The following SPAG5 variants were observed in gnomAD, a reference collection of about 807,000 sequenced individuals.
SPAG5 encodes the protein sperm associated antigen 5, also known as sperm-associated antigen 5.
A neutral mutation model predicts 145.4 loss-of-function variants in SPAG5; 99 were observed. That is an observed-to-expected ratio of 0.68 (90% CI 0.58 to 0.80). The LOEUF (loss-of-function observed/expected upper bound fraction) is 0.80, where lower values mean the gene tolerates loss of function less well. Among genes scored for constraint, SPAG5 ranks in the 30% least tolerant of loss-of-function variants. SPAG5 has a pLI of 0.00. For missense variants in SPAG5, 1,192 were observed against 1,416.0 expected, an observed-to-expected ratio of 0.84 and a Z score of 2.54; for synonymous variants, 477 against 525.4, an observed-to-expected ratio of 0.91 and a Z score of 1.26.
chr17:28,594,226 A>G (rs1254964442), intron 2 of SPAG5, among the ~76,000 whole-genome samples: 1 of 152,232 alleles, frequency 6.6e-6, no homozygotes, highest in Non-Finnish European at 1.5e-5. Context: ...ACACATAATT[A>G]TAAAATTTCT....
Position 28,584,371 on chromosome 17 carries a change from G to A in SPAG5, c.2271C>T (p.Leu757=), listed in dbSNP as rs567448830. The part of the protein sequence containing the change: ...AQDLAMKDEL[L]CQLTQSNEEQ... The stretch of plus-strand genomic sequence containing the variant: ...CCTCATTGCTCTGGGTAAGCTGGCA[G>A]AGTAACTCATCCTTCATAGCCAGGT... Residue 757 remains leucine (L), a synonymous_variant, in exon 12 of 24, where the codon CTC becomes CTT. Coordinates refer to ENST00000321765, the MANE Select transcript of SPAG5 (RefSeq NM_006461.4). The A allele has an allele frequency of 1.9e-6, 3 of 1,614,226 alleles. No homozygotes were observed. Among genetic ancestry groups the A allele is most frequent in the Non-Finnish European group, 2.5e-6 (3 of 1,180,054 alleles).
At chr17:28,579,986 C>T (rs779476767) in intron 16 of SPAG5, 23 bp downstream of exon 16, 1 of 1,592,534 alleles carries the variant, frequency 6.3e-7, no homozygotes, top group African/African-American at 1.3e-5. Flanking sequence ...ACTTTCCCAC[C>T]CCCAAATCCC....
intron 2 of SPAG5, among the ~76,000 whole-genome samples, chr17:28,595,261 A>AC (rs1044878923): frequency 6.6e-6 from 1 of 151,302 alleles, no homozygotes; most frequent in African/African-American, 2.4e-5. Context: ...CCTTCTCAAA[A>AC]AAAAAAAAAA....
At position 28,577,748 on chromosome 17, in the gene SPAG5, A is replaced by G; in HGVS notation, c.3533T>C (p.Val1178Ala). The G allele has an allele frequency of 1.2e-6, 2 of 1,613,830 alleles. No homozygotes were observed. The highest frequency in any genetic ancestry group is 2.2e-5 in the South Asian group (2 of 91,072). ...CTGTAGTTCTTTGCATCCCCTCACC[A>G]CCTCTGGAATAGAGAGCAGGGTCTG... ...IYKTLLSIPEVVRGCKELQGL... is the reference protein window; with the variant it reads ...IYKTLLSIPEAVRGCKELQGL... Residue 1178 changes from valine (V) to alanine (A), a missense_variant, in exon 24 of 24, where the codon GTG becomes GCG. Physicochemically the swap from Val to Ala is moderately conservative, Grantham distance 64. Coordinates refer to ENST00000321765, the MANE Select transcript of SPAG5 (RefSeq NM_006461.4).
chr17:28,578,028 A>G lies in SPAG5; in HGVS notation c.3492T>C (p.Ile1164=). 1.9e-6 allele frequency: 3 copies of G among 1,613,892 alleles called. No individual in the cohort carries two copies. The highest frequency in any genetic ancestry group is 2.5e-6 in the Non-Finnish European group (3 of 1,179,756). The change falls in exon 23 of 24, where the codon ATT becomes ATC. Residue 1164 remains isoleucine, a synonymous_variant. Coordinates refer to ENST00000321765, the MANE Select transcript of SPAG5 (RefSeq NM_006461.4). The stretch of plus-strand genomic sequence containing the variant: ...CCTATACCTTATAAATATGCTGAAC[A>G]ATGTCATCTAGTTTTTCTAACTCCT... ...SDKELEKLDD[I]VQHIYKTLLS...
rs891687445 is a variant in SPAG5 at position 28,598,555 on chromosome 17, G to A, written c.132C>T (p.Pro44=). ...GTGATGGGGTCAGCGAGGAGCAAGC[G>A]GGGGATCTTTTTCCAGAGTTGGTGA... ...GALTNSGKRS[P]ACSSLTPSLC... is the part of the protein sequence containing the mutation. The change falls in exon 2 of 24, where the codon CCC becomes CCT. Residue 44 remains proline (P), a synonymous_variant. Coordinates refer to ENST00000321765, the MANE Select transcript of SPAG5 (RefSeq NM_006461.4). 10 of 1,613,722 alleles carry A rather than the reference G, an allele frequency of 6.2e-6. 1 individual carries two copies. In the South Asian group the frequency reaches 9.9e-5, roughly 16 times the overall value.
At chr17:28,596,635 T>C (rs1172993271) in intron 2 of SPAG5, among the ~76,000 whole-genome samples, 3 of 152,126 alleles carry the variant, frequency 2.0e-5, no homozygotes, top group Non-Finnish European at 4.4e-5. Flanking sequence ...GCCATTGCAC[T>C]CCAGCCTAGG....
chr17:28,584,039 G>C, intron 13 of SPAG5, 53 bp from the exon 14 acceptor site: 1 of 1,610,550 alleles, frequency 6.2e-7, no homozygotes, highest in Non-Finnish European at 8.5e-7. Context: ...TAGTGCCCTG[G>C]GTACAGAGGC....
chr17:28,587,236 A>T (rs1038316518), intron 4 of SPAG5, among the ~76,000 whole-genome samples: 2 of 149,320 alleles, frequency 1.3e-5, no homozygotes, highest in Non-Finnish European at 3.0e-5. Flanking sequence ...CAACACAGTG[A>T]AACCCCATCT....
chr17:28,594,218 A>C (rs546983815), intron 2 of SPAG5, among the ~76,000 whole-genome samples: 1 of 152,350 alleles, frequency 6.6e-6, no homozygotes, highest in African/African-American at 2.4e-5. Context: ...CATGCTAGAC[A>C]CATAATTATA....
At chr17:28,584,298 A>G (rs1375847155) in intron 12 of SPAG5, 35 bp downstream of exon 12, 1 of 1,613,872 alleles carries the variant, frequency 6.2e-7, no homozygotes, top group Non-Finnish European at 8.5e-7. Flanking sequence ...TAAATCCTGG[A>G]TGCCTACTGC....
rs200790381 is a variant in SPAG5, at chr17:28,592,927, G to C, written c.317C>G (p.Pro106Arg). 93 of 1,614,036 alleles carry C rather than the reference G, an allele frequency of 5.8e-5. No individual in the cohort carries two copies. Among genetic ancestry groups the C allele is most frequent in the Non-Finnish European group, 7.4e-5 (87 of 1,180,038 alleles). Residue 106 changes from proline to arginine, a missense_variant, in exon 3 of 24, where the codon CCC (proline) becomes CGC (arginine). Around this residue, in one of 5 missense-constraint regions of SPAG5, gnomAD observed 329 missense variants for 354.0 expected, o/e 0.93. Transcript: ENST00000321765. ...ESDEQPLDPI[P>R]QISSTPKTSE... Reference sequence around the variant, plus strand: ...CGTTTTAGGAGTAGAGCTAATTTGGGGAATTGGATCTAGAGGCTGCTCATC... The same window carrying C: ...CGTTTTAGGAGTAGAGCTAATTTGGCGAATTGGATCTAGAGGCTGCTCATC...
chr17:28,581,410 T>A (rs1241936904), intron 15 of SPAG5, among the ~76,000 whole-genome samples: 2 of 151,526 alleles, frequency 1.3e-5, no homozygotes, highest in East Asian at 3.9e-4. Flanking sequence ...GCCATCCTCG[T>A]CCTGCTACCT....
At position 28,584,324 on chromosome 17, in the gene SPAG5, G is replaced by A. The variant is rs753567262; in HGVS notation, c.2309+9C>T. 1 of 1,613,944 alleles carries A rather than the reference G, an allele frequency of 6.2e-7. No homozygotes were observed. Among genetic ancestry groups the A allele is most frequent in the Non-Finnish European group, 8.5e-7 (1 of 1,180,028 alleles). ...TGCCTACTGCCACAGTACCCCGTTA[G>A]GAACTCACTGAGCAGCCTGCTCCTC... On this transcript the variant is annotated intron_variant, in intron 12 of 23. Transcript: ENST00000321765.
Position 28,578,396 on chromosome 17 carries a change from C to G in SPAG5, c.3331G>C (p.Glu1111Gln), listed in dbSNP as rs1244248377. 1.9e-6 allele frequency: 3 copies of G among 1,614,070 alleles called. No homozygotes were observed. In the African/African-American group the frequency reaches 4.0e-5, roughly 22 times the overall value. ...ACCTCCTGAGAGAGCCACACTTTCT[C>G]CTGGATCCAATTGGTGGCCATAGGC... ...CQPMATNWIQ[E>Q]KVWLSQEVDK... Residue 1111 changes from glutamate (E) to glutamine (Q), a missense_variant, in exon 21 of 24, where the codon GAG becomes CAG. Physicochemically the swap from Glu to Gln is conservative, Grantham distance 29. Around this residue, in one of 5 missense-constraint regions of SPAG5, gnomAD observed 709 missense variants for 840.7 expected, o/e 0.84. Coordinates refer to ENST00000321765, the MANE Select transcript of SPAG5 (RefSeq NM_006461.4).
chr17:28,585,761 C>T lies in SPAG5; in HGVS notation c.1740+103G>A, dbSNP rs536171868. Reference sequence around the variant, plus strand: ...TCAGTTCTTTACTGCCCAGGGCAGGCAGTTCTTAGGCCACCCATCTGTGTC... The same window carrying T: ...TCAGTTCTTTACTGCCCAGGGCAGGTAGTTCTTAGGCCACCCATCTGTGTC... On this transcript the variant is annotated intron_variant, in intron 7 of 23. Transcript: ENST00000321765. 4.1e-5 allele frequency: 66 copies of T among 1,606,120 alleles called. No individual in the cohort carries two copies. The South Asian group carries it at 7.1e-4, about 17-fold the overall frequency.
rs769615849 is a variant in SPAG5 at position 28,592,630 on chromosome 17, G to T, written c.614C>A (p.Ser205Tyr). The part of the protein sequence containing the change: ...QESPSHLLEE[S>Y]PPNPCSEQLH... ...TTGTTCAGAACAGGGATTTGGTGGA[G>T]ACTCCTCTAAGAGATGGGACGGAGA... Residue 205 changes from serine to tyrosine, a missense_variant, in exon 3 of 24, where the codon TCT (serine) becomes TAT (tyrosine). Physicochemically the swap from Ser to Tyr is moderately radical, Grantham distance 144 (BLOSUM62 -2). Coordinates refer to ENST00000321765, the MANE Select transcript of SPAG5 (RefSeq NM_006461.4). 2 of 1,614,154 alleles carry T rather than the reference G, an allele frequency of 1.2e-6. No homozygotes were observed. The highest frequency in any genetic ancestry group is 2.2e-5 in the South Asian group (2 of 91,080).
intron 19 of SPAG5, 149 bp downstream of exon 19, chr17:28,578,992 A>G: frequency 1.4e-6 from 1 of 698,906 alleles, no homozygotes; most frequent in South Asian, 1.8e-5. Context: ...CATAGCTGAC[A>G]TGTGAAATGT....
chr17:28,597,478 T>A (rs971420145), intron 2 of SPAG5, among the ~76,000 whole-genome samples: 1 of 152,192 alleles, frequency 6.6e-6, no homozygotes, highest in Non-Finnish European at 1.5e-5. Context: ...TCAATAACCA[T>A]GTGACTAGTA....
Sources: gnomAD v4.1 joint callset for allele counts (sites outside exome capture counted in the v4.1 genomes callset) on GRCh38, gnomAD v4.1.1 for gene constraint, gnomAD v4.1.1 regional missense constraint, MANE v1.5 for transcripts, NCBI Gene and HGNC (gene_info 2026-07-23, HGNC 2026-07-21) for gene names.